The following TJP1 variants were observed in gnomAD, a reference collection of about 807,000 sequenced individuals.
TJP1 encodes tight junction protein ZO-1.
In TJP1, 43 loss-of-function variants were observed where a neutral mutation model predicts 194.2. That is an observed-to-expected ratio of 0.22 (90% confidence interval 0.17 to 0.29). The LOEUF (loss-of-function observed/expected upper bound fraction) is 0.29. TJP1 is among the 10% of genes least tolerant of loss of function. TJP1 has a pLI of 1.00. For missense variants in TJP1, 1,971 were observed against 2,185.7 expected (o/e 0.90, Z 1.96); for synonymous variants, 801 against 779.0 (o/e 1.03, Z -0.47).
At chr15:29,886,614 G>A (rs1356614078) in intron 2 of TJP1, among the ~76,000 whole-genome samples, 2 of 148,862 alleles carry the variant, frequency 1.3e-5, no homozygotes, top group African/African-American at 5.0e-5. Flanking sequence ...AAAAAAAAAA[G>A]TAGGTCAATA....
chr15:29,704,388 T>TTA, intron 26 of TJP1, 83 bp from the exon 27 acceptor site: 1 of 1,486,082 alleles, frequency 6.7e-7, no homozygotes, highest in Non-Finnish European at 9.1e-7. Flanking sequence ...CTGCTTCTAA[T>TTA]TATATGCTTG....
At chr15:29,965,995 C>T (rs1478254592) in intron 1 of TJP1, among the ~76,000 whole-genome samples, 1 of 152,212 alleles carries the variant, frequency 6.6e-6, no homozygotes, top group Non-Finnish European at 1.5e-5. Flanking sequence ...GGCCCTAACT[C>T]ACTGCCTACC....
chr15:29,709,058 T>G, intron 24 of TJP1, 22 bp from the exon 25 acceptor site: 3 of 1,586,510 alleles, frequency 1.9e-6, no homozygotes, highest in Non-Finnish European at 2.6e-6. Flanking sequence ...ACGTAAGCAT[T>G]TAAATAACTT....
At chr15:29,734,020 T>C (rs1474751988) in intron 12 of TJP1, among the ~76,000 whole-genome samples, 1 of 152,148 alleles carries the variant, frequency 6.6e-6, no homozygotes, top group African/African-American at 2.4e-5. Context: ...TTTCTATCAC[T>C]TGTAAAGGGT....
intron 2 of TJP1, among the ~76,000 whole-genome samples, chr15:29,783,832 G>C (rs1381834954): frequency 6.6e-6 from 1 of 152,138 alleles, no homozygotes; most frequent in Non-Finnish European, 1.5e-5. Context: ...GAGAGGAGCA[G>C]AGAAAGTAAC....
intron 2 of TJP1, among the ~76,000 whole-genome samples, chr15:29,872,642 C>T (rs1017503081): frequency 5.6e-5 from 6 of 107,834 alleles, no homozygotes; most frequent in South Asian, 3.7e-4. Context: ...TTAAGCGAAA[C>T]GATGGAAAAA....
At chr15:29,778,669 C>T (rs2047167388) in intron 2 of TJP1, among the ~76,000 whole-genome samples, 1 of 152,106 alleles carries the variant, frequency 6.6e-6, no homozygotes, top group Non-Finnish European at 1.5e-5. Context: ...TGCTCTAAAC[C>T]CACCTAAATA....
intron 11 of TJP1, 102 bp downstream of exon 11, chr15:29,737,162 T>C: frequency 1.4e-6 from 2 of 1,423,854 alleles, no homozygotes; most frequent in Non-Finnish European, 1.9e-6. Flanking sequence ...TGGAGACTGC[T>C]TACAGATTAC....
intron 2 of TJP1, among the ~76,000 whole-genome samples, chr15:29,885,471 C>T (rs1463881590): frequency 1.6e-4 from 24 of 152,258 alleles, no homozygotes; most frequent in Non-Finnish European, 4.4e-5. Context: ...TTTTCCTCTT[C>T]CTACTCCTTT....
chr15:29,707,586 G>A (rs1371905076), intron 25 of TJP1, among the ~76,000 whole-genome samples: 3 of 152,074 alleles, frequency 2.0e-5, no homozygotes, highest in East Asian at 1.9e-4. Context: ...TTATGGTGGC[G>A]TGAAAATGGA....
At chr15:29,795,889 G>A (rs2048370054) in intron 2 of TJP1, among the ~76,000 whole-genome samples, 1 of 151,902 alleles carries the variant, frequency 6.6e-6, no homozygotes, top group Non-Finnish European at 1.5e-5. Flanking sequence ...AGATTAAGAA[G>A]AAAACCCATA....
At chr15:29,833,879 ATATT>A (rs2050924307) in intron 2 of TJP1, among the ~76,000 whole-genome samples, 1 of 13,788 alleles carries the variant, frequency 7.3e-5, no homozygotes, top group Non-Finnish European at 1.4e-4. Context: ...ATATATATAT[ATATT>A]TTTTTTTTTT....
At chr15:29,703,723 A>C (rs1354881908) in intron 27 of TJP1, among the ~76,000 whole-genome samples, 1 of 151,918 alleles carries the variant, frequency 6.6e-6, no homozygotes, top group Non-Finnish European at 1.5e-5. Context: ...GCTCACTGCA[A>C]TCTCCGCCTC....
chr15:29,874,292 AG>A (rs2152120975), intron 2 of TJP1, among the ~76,000 whole-genome samples: 1 of 152,296 alleles, frequency 6.6e-6, no homozygotes. Flanking sequence ...GGAGTGTATC[AG>A]GGATGGGGTT....
At chr15:29,875,375 A>G (rs766797085) in intron 2 of TJP1, among the ~76,000 whole-genome samples, 31 of 152,284 alleles carry the variant, frequency 2.0e-4, no homozygotes, top group African/African-American at 1.7e-4. Flanking sequence ...ACTTGTTGCC[A>G]TTGAAAATTA....
At chr15:29,864,212 T>C (rs1230115305) in intron 2 of TJP1, among the ~76,000 whole-genome samples, 3 of 106,478 alleles carry the variant, frequency 2.8e-5, no homozygotes, top group African/African-American at 1.1e-4. Flanking sequence ...GCCAACATAG[T>C]GAAACCCCGT....
chr15:29,799,007 A>G (rs1379138918), intron 2 of TJP1, among the ~76,000 whole-genome samples: 2 of 152,224 alleles, frequency 1.3e-5, no homozygotes, highest in Non-Finnish European at 2.9e-5. Flanking sequence ...GGGGACCGGG[A>G]TGATTAAAAA....
chr15:29,774,617 T>C (rs1341090487), intron 2 of TJP1, among the ~76,000 whole-genome samples: 1 of 151,940 alleles, frequency 6.6e-6, no homozygotes, highest in Non-Finnish European at 1.5e-5. Context: ...GAGGGGGTGA[T>C]AATTCAATGG....
intron 23 of TJP1, among the ~76,000 whole-genome samples, chr15:29,712,718 G>T (rs1021293472): frequency 6.6e-6 from 1 of 151,734 alleles, no homozygotes; most frequent in African/African-American, 2.4e-5. Context: ...TGTTGCAGCT[G>T]CTAATAGTGA....
Sources: allele counts gnomAD v4.1 joint callset (sites outside exome capture counted in the v4.1 genomes callset), GRCh38; gene constraint gnomAD v4.1.1; transcripts MANE v1.5; gene names NCBI Gene and HGNC (gene_info 2026-07-23, HGNC 2026-07-21).